Variants in METTL17 observed in about 807,000 individuals in gnomAD.
METTL17 encodes the protein methyltransferase like 17.
Under a neutral mutation model 59.4 loss-of-function variants are expected in METTL17, and 49 were observed. That is an observed-to-expected ratio of 0.82 (90% confidence interval 0.66 to 1.05). The LOEUF is 1.05. METTL17 is among the 50% of genes least tolerant of loss of function. METTL17 has a pLI of 0.00. For missense variants in METTL17, 555 were observed against 578.4 expected (o/e 0.96, Z 0.41); for synonymous variants, 208 against 209.2 (o/e 0.99, Z 0.05).
At chr14:20,992,855 C>G in intron 5 of METTL17, 2 of 602,716 alleles carry the variant, frequency 3.3e-6, no homozygotes, top group South Asian at 4.1e-5. Context: ...CCACTGTACT[C>G]CAGCCTGGTG....
At chr14:20,993,086 A>T in intron 5 of METTL17, 32 bp from the exon 6 acceptor site, 2 of 1,593,156 alleles carry the variant, frequency 1.3e-6, no homozygotes, top group Non-Finnish European at 1.7e-6. Context: ...GTATCTAATT[A>T]CCCTACTGTG....
chr14:20,995,487 G>A (rs769034108), intron 10 of METTL17, among the ~76,000 whole-genome samples: 2 of 152,234 alleles, frequency 1.3e-5, no homozygotes, highest in Non-Finnish European at 1.5e-5. Context: ...ACAAACAGCA[G>A]AGTTGAGTAG....
chr14:20,992,077 C>G, intron 3 of METTL17, 47 bp from the exon 4 acceptor site: 2 of 1,561,510 alleles, frequency 1.3e-6, no homozygotes, highest in Non-Finnish European at 1.8e-6. Context: ...TGGATCTGAG[C>G]CCTGTTCTCC....
At chr14:20,993,539 AATCTCG>A in intron 6 of METTL17, 3 of 262,268 alleles carry the variant, frequency 1.1e-5, no homozygotes, top group Non-Finnish European at 2.2e-5. Context: ...GCAGTGGCAC[AATCTCG>A]GCTCACTGCA....
At chr14:20,995,992 C>T in intron 11 of METTL17, 41 bp downstream of exon 11, 1 of 1,604,656 alleles carries the variant, frequency 6.2e-7, no homozygotes, top group Non-Finnish European at 8.5e-7. Context: ...CGGATCTGAA[C>T]TTAGGCGTGG....
Position 20,994,620 on chromosome 14 carries a change from G to C in METTL17, c.768+7G>C. The C allele has an allele frequency of 6.2e-7, 1 of 1,613,542 alleles. No individual in the cohort carries two copies. The highest frequency in any genetic ancestry group is 8.5e-7 in the Non-Finnish European group (1 of 1,179,442). On this transcript the variant is annotated splice_region_variant and intron_variant, in intron 8 of 13. Transcript: ENST00000339374. ...TCTACCTGTATCACCCAAGGCAAGT[G>C]GCAGTGTTTAGAATATTCTAAATGT...
intron 3 of METTL17, 119 bp downstream of exon 3, chr14:20,990,717 G>C (rs1879984155): frequency 7.7e-7 from 1 of 1,300,056 alleles, no homozygotes; most frequent in East Asian, 2.5e-5. Flanking sequence ...TTTCTAACCA[G>C]AGCAGCAGTT....
Position 20,989,990 on chromosome 14 carries a change from C to A in METTL17, c.-13C>A, listed in dbSNP as rs1322596464. 1 of 1,575,504 alleles carries A rather than the reference C, an allele frequency of 6.3e-7. No individual in the cohort carries two copies. The highest frequency in any genetic ancestry group is 1.1e-5 in the South Asian group (1 of 87,374). On this transcript the variant is annotated 5_prime_UTR_variant, in exon 1 of 14. Transcript: ENST00000339374. Reference sequence around the variant, plus strand: ...GGCACCTGTATTTCCGTTTCCGGTTCGCCTCCGGAGCCATGGCGGCGGCAC... The same window carrying A: ...GGCACCTGTATTTCCGTTTCCGGTTAGCCTCCGGAGCCATGGCGGCGGCAC...
rs1244657755 is a variant in METTL17, at chr14:20,994,602, G to A, written c.757G>A (p.Val253Ile). 7 of 1,614,012 alleles carry A rather than the reference G, an allele frequency of 4.3e-6. No individual in the cohort carries two copies. The highest frequency in any genetic ancestry group is 2.2e-5 in the East Asian group (1 of 44,904). ...TGTCTTTTTCAGACAGTTTCTACCT[G>A]TATCACCCAAGGCAAGTGGCAGTGT... ...PGVFFRQFLP[V>I]SPKVQFDVVV... is the part of the protein sequence containing the mutation. Residue 253 changes from valine (V) to isoleucine (I), a missense_variant, in exon 8 of 14, where the codon GTA (valine) becomes ATA (isoleucine). By Grantham distance (29) the Val-to-Ile change is conservative. Coordinates refer to ENST00000339374, the MANE Select transcript of METTL17 (RefSeq NM_022734.3).
In METTL17 at chr14:20,994,799, G is replaced by C; in HGVS notation, c.774G>C (p.Gln258His). 6.2e-7 allele frequency: 1 copy of C among 1,613,756 alleles called. No homozygotes were observed. Among genetic ancestry groups the C allele is most frequent in the Non-Finnish European group, 8.5e-7 (1 of 1,179,654 alleles). ...TTCCTTGTCTTGGTCCTCAGGTGCAGTTTGATGTAGTAGTGTCAGCTTTTT... is the reference window on the plus strand; with the variant it reads ...TTCCTTGTCTTGGTCCTCAGGTGCACTTTGATGTAGTAGTGTCAGCTTTTT... ...RQFLPVSPKVQFDVVVSAFSL... is the reference protein window; with the variant it reads ...RQFLPVSPKVHFDVVVSAFSL... The change falls in exon 9 of 14, where the codon CAG (glutamine) becomes CAC (histidine). Residue 258 changes from glutamine (Q) to histidine (H), a missense_variant. Transcript: ENST00000339374.
chr14:20,996,103 C>T, intron 11 of METTL17, 106 bp from the exon 12 acceptor site: 1 of 1,265,542 alleles, frequency 7.9e-7, no homozygotes, highest in East Asian at 2.3e-5. Context: ...ACCCACTGCT[C>T]CTGTCCTCCC....
chr14:20,989,988 T>C lies in METTL17; in HGVS notation c.-15T>C, dbSNP rs371872226. On this transcript the variant is annotated 5_prime_UTR_variant, in exon 1 of 14. Coordinates refer to ENST00000339374, the MANE Select transcript of METTL17 (RefSeq NM_022734.3). Reference sequence around the variant, plus strand: ...CAGGCACCTGTATTTCCGTTTCCGGTTCGCCTCCGGAGCCATGGCGGCGGC... The same window carrying C: ...CAGGCACCTGTATTTCCGTTTCCGGCTCGCCTCCGGAGCCATGGCGGCGGC... The C allele has an allele frequency of 1.3e-6, 2 of 1,574,964 alleles. No homozygotes were observed. Among genetic ancestry groups the C allele is most frequent in the South Asian group, 2.3e-5 (2 of 87,306 alleles).
intron 4 of METTL17, 68 bp from the exon 5 acceptor site, chr14:20,992,473 A>C (rs956552303): frequency 1.4e-4 from 187 of 1,300,648 alleles, no homozygotes; most frequent in Non-Finnish European, 1.9e-4. Flanking sequence ...TCATTTTCTA[A>C]ATCTAGAAGG....
intron 3 of METTL17, chr14:20,991,820 C>A: frequency 3.4e-6 from 1 of 290,142 alleles, no homozygotes; most frequent in South Asian, 3.2e-5. Context: ...TGAGCCACCG[C>A]ACCCAGCTTA....
chr14:20,991,171 G>C (rs894170367), intron 3 of METTL17, among the ~76,000 whole-genome samples: 1 of 152,110 alleles, frequency 6.6e-6, no homozygotes, highest in African/African-American at 2.4e-5. Flanking sequence ...TTTTCTGCAA[G>C]TCCACTGGAT....
rs1274152776 is a variant in METTL17, at chr14:20,990,500, C to T, written c.266C>T (p.Thr89Ile). ...AGPTMENQVQ[T>I]LTSYLWSRHL... ...CCCACTATGGAGAATCAGGTGCAAA[C>T]ACTGACCAGTTATCTCTGGAGCAGA... Residue 89 changes from threonine (T) to isoleucine (I), a missense_variant, in exon 3 of 14, where the codon ACA becomes ATA. Physicochemically the swap from Thr to Ile is moderately conservative, Grantham distance 89 (BLOSUM62 -1). Coordinates refer to ENST00000339374, the MANE Select transcript of METTL17 (RefSeq NM_022734.3). 14 of 1,614,112 alleles carry T rather than the reference C, an allele frequency of 8.7e-6. No homozygotes were observed. The highest frequency in any genetic ancestry group is 2.2e-5 in the East Asian group (1 of 44,896).
intron 7 of METTL17, 110 bp from the exon 8 acceptor site, chr14:20,994,433 T>G: frequency 1.1e-6 from 1 of 950,810 alleles, no homozygotes; most frequent in Non-Finnish European, 1.7e-6. Flanking sequence ...TCCCTGCCCT[T>G]TTTGATATAC....
rs942665606 is a variant in METTL17, at chr14:20,990,507, C to T, written c.273C>T (p.Thr91=). Residue 91 remains threonine (T), a synonymous_variant, in exon 3 of 14, where the codon ACC becomes ACT. Coordinates refer to ENST00000339374, the MANE Select transcript of METTL17 (RefSeq NM_022734.3). ...TGGAGAATCAGGTGCAAACACTGACCAGTTATCTCTGGAGCAGACATTTGC... is the reference window on the plus strand; with the variant it reads ...TGGAGAATCAGGTGCAAACACTGACTAGTTATCTCTGGAGCAGACATTTGC... ...PTMENQVQTL[T]SYLWSRHLPV... 1.1e-5 allele frequency: 17 copies of T among 1,614,096 alleles called. No individual in the cohort carries two copies. The highest frequency in any genetic ancestry group is 1.4e-5 in the Non-Finnish European group (17 of 1,180,046).
chr14:20,990,330 C>T lies in METTL17; in HGVS notation c.176C>T (p.Pro59Leu), dbSNP rs974356738. Residue 59 changes from proline (P) to leucine (L), a missense_variant, in exon 2 of 14, where the codon CCG becomes CTG. By Grantham distance (98) the Pro-to-Leu change is moderately conservative (BLOSUM62 -3). Coordinates refer to ENST00000339374, the MANE Select transcript of METTL17 (RefSeq NM_022734.3). ...HRQHPGILKL[P>L]HVRLPQALAN... ...CAGCACCCTGGCATCCTAAAGCTGC[C>T]GCACGTGCGGCTGCCACAGGCACTG... 1.2e-6 allele frequency: 2 copies of T among 1,614,082 alleles called. No individual in the cohort carries two copies. Among genetic ancestry groups the T allele is most frequent in the African/African-American group, 2.7e-5 (2 of 74,946 alleles).
Sources: gnomAD v4.1 joint callset for allele counts (sites outside exome capture counted in the v4.1 genomes callset) on GRCh38, gnomAD v4.1.1 for gene constraint, MANE v1.5 for transcripts, NCBI Gene and HGNC (gene_info 2026-07-23, HGNC 2026-07-21) for gene names.